AFF1: variants seen among roughly 807,000 people sequenced by gnomAD.
AFF1 encodes AF4/FMR2 family member 1.
AFF1 carries 48 observed loss-of-function variants against 121.7 expected under a neutral mutation model. The observed-to-expected ratio is 0.39, with a 90% CI of 0.31 to 0.50. The LOEUF is 0.50. Ranked by LOEUF, AFF1 falls within the 20% of genes least tolerant of loss-of-function variation. The pLI, the probability that AFF1 is intolerant of heterozygous loss-of-function variation, is 0.76. For synonymous variants in AFF1, 613 were observed against 563.0 expected, an observed-to-expected ratio of 1.09 and a Z score of -1.26; for missense variants, 1,523 against 1,511.7, an observed-to-expected ratio of 1.01 and a Z score of -0.12.
At chr4:86,948,918 A>G (rs1023242315) in intron 2 of AFF1, among the ~76,000 whole-genome samples, 11 of 152,144 alleles carry the variant, frequency 7.2e-5, no homozygotes, top group Non-Finnish European at 8.8e-5. Flanking sequence ...ATAAATAAAC[A>G]AATCCATCTC....
chr4:87,109,028 AG>A (rs1578265626), intron 11 of AFF1, among the ~76,000 whole-genome samples: 1 of 152,236 alleles, frequency 6.6e-6, no homozygotes, highest in African/African-American at 2.4e-5. Context: ...AACATCTAAC[AG>A]GGTTGCCAAA....
intron 2 of AFF1, among the ~76,000 whole-genome samples, chr4:87,042,037 A>G (rs1730219411): frequency 6.6e-6 from 1 of 151,604 alleles, no homozygotes; most frequent in Non-Finnish European, 1.5e-5. Context: ...AAGTTGCTAC[A>G]GAGTTTGTGA....
Position 86,978,207 on chromosome 4 carries a change from G to A in AFF1, c.38+29636G>A, listed in dbSNP as rs1227264502. Among the ~76,000 whole-genome samples the A allele has an allele frequency of 7.1e-4, 6 of 8,408 alleles. No individual in the cohort carries two copies. In the East Asian group the frequency reaches 0.013, roughly 18 times the overall value. The allele number at this position is 8,408 out of a possible 152,430, so 5.5% of individuals were successfully genotyped here. On this transcript the variant is annotated intron_variant, in intron 2 of 20. Transcript: ENST00000395146. Reference sequence around the variant, plus strand: ...TTTTTTTTTTTTTTTTTTTTGAGATGGAGTCTCGCTCTGTCAGCTAGGCTG... The same window carrying A: ...TTTTTTTTTTTTTTTTTTTTGAGATAGAGTCTCGCTCTGTCAGCTAGGCTG...
intron 2 of AFF1, chr4:86,949,808 G>A (rs950683163): frequency 1.5e-5 from 24 of 1,613,832 alleles, no homozygotes; most frequent in East Asian, 4.5e-5. Flanking sequence ...GAGACACTGC[G>A]TCATGATGGC....
chr4:87,042,729 A>G (rs1730283895), intron 2 of AFF1, among the ~76,000 whole-genome samples: 1 of 152,258 alleles, frequency 6.6e-6, no homozygotes, highest in South Asian at 2.1e-4. Flanking sequence ...TTAATTAACT[A>G]GAATCCTTAA....
In AFF1 at chr4:87,136,467, G is replaced by A. The variant is rs975423324; in HGVS notation, c.*766G>A. On this transcript the variant is annotated 3_prime_UTR_variant, in exon 21 of 21. Transcript: ENST00000395146. Reference sequence around the variant, plus strand: ...ACAGCACATGGGGTGCCACCTCGAGGTCTGCACAGGAGGACTTGGCGCTGC... The same window carrying A: ...ACAGCACATGGGGTGCCACCTCGAGATCTGCACAGGAGGACTTGGCGCTGC... 20 of 232,424 alleles carry A rather than the reference G, an allele frequency of 8.6e-5. No homozygotes were observed. Among genetic ancestry groups the A allele is most frequent in the Non-Finnish European group, 1.6e-4 (19 of 117,686 alleles). The allele number at this position is 232,424 out of a possible 1,614,324, so 14.4% of individuals were successfully genotyped here.
intron 2 of AFF1, among the ~76,000 whole-genome samples, chr4:87,040,696 A>G (rs1301391726): frequency 6.6e-6 from 1 of 151,514 alleles, no homozygotes; most frequent in Non-Finnish European, 1.5e-5. Context: ...CAGCCTCCGT[A>G]GTAGCTGGGA....
chr4:87,115,240 A>C lies in AFF1; in HGVS notation c.2407A>C (p.Lys803Gln), dbSNP rs1726983885. The change falls in exon 12 of 21, where the codon AAG becomes CAG. Residue 803 changes from lysine to glutamine, a missense_variant. Transcript: ENST00000395146. ...AEDKQPPAGK[K>Q]HSSEKRSSDS... ...AGATAAACAGCCGCCCGCAGGGAAG[A>C]AGCACAGCTCTGAGAAGAGGAGCTC... is the stretch of plus-strand genomic sequence containing the variant. 1 of 1,614,028 alleles carries C rather than the reference A, an allele frequency of 6.2e-7. No homozygotes were observed. The highest frequency in any genetic ancestry group is 8.5e-7 in the Non-Finnish European group (1 of 1,179,956).
At chr4:86,938,422 C>G (rs1397779429) in intron 1 of AFF1, among the ~76,000 whole-genome samples, 1 of 147,304 alleles carries the variant, frequency 6.8e-6, no homozygotes, top group Non-Finnish European at 1.5e-5. Flanking sequence ...TGCACTCCAG[C>G]CTGGGCCACA....
chr4:86,991,306 T>C (rs1185510669), intron 2 of AFF1, among the ~76,000 whole-genome samples: 1 of 150,310 alleles, frequency 6.7e-6, no homozygotes, highest in African/African-American at 2.5e-5. Flanking sequence ...TTAGCCGGGC[T>C]TGGTGGCAGG....
At chr4:87,093,311 A>G (rs981541433) in intron 7 of AFF1, among the ~76,000 whole-genome samples, 1 of 151,370 alleles carries the variant, frequency 6.6e-6, no homozygotes, top group African/African-American at 2.5e-5. Flanking sequence ...AGCCTTATTT[A>G]TCTTTGTGAG....
intron 5 of AFF1, among the ~76,000 whole-genome samples, chr4:87,089,142 G>A (rs1040698064): frequency 3.9e-5 from 6 of 152,084 alleles, no homozygotes; most frequent in Non-Finnish European, 5.9e-5. Flanking sequence ...TTGGACCTCA[G>A]TTTTTTTCAA....
intron 2 of AFF1, among the ~76,000 whole-genome samples, chr4:87,014,687 A>G (rs912139645): frequency 6.6e-6 from 1 of 152,218 alleles, no homozygotes; most frequent in Non-Finnish European, 1.5e-5. Context: ...GATTTGGTGC[A>G]TATGTTTTTG....
intron 4 of AFF1, among the ~76,000 whole-genome samples, chr4:87,053,468 A>G (rs1449176803): frequency 6.6e-6 from 1 of 152,222 alleles, no homozygotes; most frequent in African/African-American, 2.4e-5. Context: ...TCACATATAC[A>G]AACATTCTTT....
chr4:86,983,175 GA>G (rs1424190050), intron 2 of AFF1, among the ~76,000 whole-genome samples: 1 of 152,142 alleles, frequency 6.6e-6, no homozygotes, highest in African/African-American at 2.4e-5. Context: ...CAGATCACTT[GA>G]AGTCAGGAGT....
At chr4:86,968,994 G>A (rs1722729146) in intron 2 of AFF1, among the ~76,000 whole-genome samples, 1 of 152,146 alleles carries the variant, frequency 6.6e-6, no homozygotes, top group Non-Finnish European at 1.5e-5. Context: ...AAAGGAGAGA[G>A]AAGGGGCCAT....
At chr4:87,075,351 T>TTTATATGTGTACATAC (rs1722543917) in intron 4 of AFF1, among the ~76,000 whole-genome samples, 1 of 152,124 alleles carries the variant, frequency 6.6e-6, no homozygotes, top group Non-Finnish European at 1.5e-5. Flanking sequence ...TGTGTGCATA[T>TTTATATGTGTACATAC]ATTCACTTAT....
At chr4:87,067,851 G>A (rs771490977) in intron 4 of AFF1, among the ~76,000 whole-genome samples, 2 of 152,172 alleles carry the variant, frequency 1.3e-5, no homozygotes, top group African/African-American at 2.4e-5. Flanking sequence ...GATGCACAGA[G>A]CATGGTTCAA....
intron 4 of AFF1, among the ~76,000 whole-genome samples, chr4:87,081,439 G>T (rs1172346938): frequency 6.6e-6 from 1 of 152,158 alleles, no homozygotes; most frequent in Admixed American, 6.5e-5. Context: ...TGGGATTACA[G>T]GCGTGAGCCA....
Sources: gnomAD v4.1 joint callset for allele counts (sites outside exome capture counted in the v4.1 genomes callset) on GRCh38, gnomAD v4.1.1 for gene constraint, MANE v1.5 for transcripts, NCBI Gene and HGNC (gene_info 2026-07-23, HGNC 2026-07-21) for gene names.